Variants in SHANK2 observed in about 807,000 individuals in gnomAD.
SHANK2 encodes SH3 and multiple ankyrin repeat domains 2.
A neutral mutation model predicts 133.7 loss-of-function variants in SHANK2; 43 were observed. The ratio of observed to expected loss-of-function variants is 0.32; its 90% confidence interval spans 0.25 to 0.41. SHANK2 has a LOEUF of 0.41. Ranked by LOEUF, SHANK2 falls within the 10% of genes least tolerant of loss-of-function variation. The pLI, the probability that SHANK2 is intolerant of heterozygous loss-of-function variation, is 1.00. For missense variants in SHANK2, 1,994 were observed against 2,235.8 expected (o/e 0.89, Z 2.18); for synonymous variants, 1,017 against 952.8 (o/e 1.07, Z -1.24).
intron 15 of SHANK2, among the ~76,000 whole-genome samples, chr11:70,697,005 C>T (rs1945406906): frequency 6.6e-6 from 1 of 152,206 alleles, no homozygotes; most frequent in African/African-American, 2.4e-5. Context: ...TGAAAGAAGC[C>T]AGTCACAGAA....
At chr11:70,636,843 A>G (rs2061106938) in intron 17 of SHANK2, among the ~76,000 whole-genome samples, 7 of 151,712 alleles carry the variant, frequency 4.6e-5, no homozygotes, top group Admixed American at 4.6e-4. Context: ...TGTATTTATA[A>G]GAATGTATGT....
chr11:70,888,052 T>A (rs1949774877), intron 11 of SHANK2, among the ~76,000 whole-genome samples: 2 of 152,128 alleles, frequency 1.3e-5, no homozygotes, highest in Non-Finnish European at 2.9e-5. Flanking sequence ...ACGCCATGAT[T>A]CCTGAGGTTG....
At chr11:71,145,249 C>T (rs115364989) in intron 3 of SHANK2, among the ~76,000 whole-genome samples, 3,546 of 152,202 alleles carry the variant, frequency 0.023, 139 homozygotes, top group African/African-American at 0.082. Context: ...GAAGAAGAAC[C>T]GTCTTGCGCT....
At chr11:70,682,212 G>A (rs946328878) in intron 15 of SHANK2, among the ~76,000 whole-genome samples, 2 of 152,158 alleles carry the variant, frequency 1.3e-5, no homozygotes, top group Non-Finnish European at 2.9e-5. Flanking sequence ...GGAAATATTT[G>A]AGCCATCTCC....
At position 70,502,877 on chromosome 11, in the gene SHANK2, G is replaced by A. The variant is rs782488864; in HGVS notation, c.2116C>T (p.Arg706Trp). 3 of 1,613,820 alleles carry A rather than the reference G, an allele frequency of 1.9e-6. No homozygotes were observed. Among genetic ancestry groups the A allele is most frequent in the African/African-American group, 1.3e-5 (1 of 74,844 alleles). ...AGGACCAGGTGATTCCCTCCCTGCC[G>A]GATCATGTTCACCACCTGCCTGTGG... Reference protein sequence around the residue: ...VGHRQVVNMIRQGGNHLVLKV... With the variant: ...VGHRQVVNMIWQGGNHLVLKV... The change falls in exon 18 of 26, where the codon CGG (arginine) becomes TGG (tryptophan). Residue 706 changes from arginine to tryptophan, a missense_variant. Around this residue, in one of 5 missense-constraint regions of SHANK2, gnomAD observed 488 missense variants for 642.6 expected, o/e 0.76. Coordinates refer to ENST00000601538, the MANE Select transcript of SHANK2 (RefSeq NM_012309.5).
chr11:70,828,982 A>C (rs900166619), intron 11 of SHANK2, among the ~76,000 whole-genome samples: 8 of 152,150 alleles, frequency 5.3e-5, no homozygotes, highest in Non-Finnish European at 7.4e-5. Flanking sequence ...GTGTGGGGAG[A>C]GCCTGCACGT....
intron 17 of SHANK2, among the ~76,000 whole-genome samples, chr11:70,555,299 G>A (rs1487341490): frequency 7.9e-5 from 12 of 152,206 alleles, no homozygotes; most frequent in Admixed American, 2.0e-4. Flanking sequence ...GAAAGGAAGC[G>A]TCACACATCA....
intron 14 of SHANK2, among the ~76,000 whole-genome samples, chr11:70,729,154 A>C (rs1591792794): frequency 6.6e-6 from 1 of 151,326 alleles, no homozygotes; most frequent in Non-Finnish European, 1.5e-5. Context: ...CCGAGATCGC[A>C]CCACTGCACT....
intron 15 of SHANK2, among the ~76,000 whole-genome samples, chr11:70,680,985 T>C (rs1242985621): frequency 6.6e-6 from 1 of 152,096 alleles, no homozygotes; most frequent in Non-Finnish European, 1.5e-5. Context: ...ACCATCCCCG[T>C]CAATGCTCAG....
chr11:70,933,685 C>A (rs1239057161), intron 10 of SHANK2, among the ~76,000 whole-genome samples: 1 of 151,844 alleles, frequency 6.6e-6, no homozygotes, highest in Non-Finnish European at 1.5e-5. Flanking sequence ...TTTGGGAGGC[C>A]GAGGCGGATG....
intron 13 of SHANK2, 145 bp downstream of exon 13, chr11:70,806,852 AACGTC>A (rs1348464475): frequency 3.4e-6 from 2 of 590,078 alleles, no homozygotes; most frequent in African/African-American, 1.9e-5. Flanking sequence ...AGGGTCTGGG[AACGTC>A]ACTCTGTTCC....
intron 17 of SHANK2, among the ~76,000 whole-genome samples, chr11:70,613,702 T>C (rs2060696876): frequency 6.6e-6 from 1 of 151,188 alleles, no homozygotes; most frequent in East Asian, 1.9e-4. Flanking sequence ...TGTGAGGTCA[T>C]AGGGGAGTAG....
intron 11 of SHANK2, among the ~76,000 whole-genome samples, chr11:70,876,610 C>CAT (rs1491028807): frequency 6.6e-6 from 1 of 151,400 alleles, no homozygotes; most frequent in Non-Finnish European, 1.5e-5. Flanking sequence ...CACACACACA[C>CAT]GCACACACAC....
chr11:70,511,901 ATACACAGAGTT>A (rs2059208791), intron 17 of SHANK2, among the ~76,000 whole-genome samples: 1 of 152,254 alleles, frequency 6.6e-6, no homozygotes, highest in Non-Finnish European at 1.5e-5. Context: ...GTACATACAC[ATACACAGAGTT>A]TACAGAAACA....
At position 70,479,039 on chromosome 11, in the gene SHANK2, T is replaced by A. The variant is rs781870577; in HGVS notation, c.4980-5600A>T. Among the ~76,000 whole-genome samples, 1 of 152,110 alleles carries A rather than the reference T, an allele frequency of 6.6e-6. No homozygotes were observed. The highest frequency in any genetic ancestry group is 2.4e-5 in the African/African-American group (1 of 41,420). The stretch of plus-strand genomic sequence containing the variant: ...CAAAATGGGGAGGAAGATTCTGACT[T>A]GAGATTTGCCTGTTGATGGGCAAGG... On this transcript the variant is annotated intron_variant, in intron 25 of 25. Transcript: ENST00000601538. The surrounding 1 kb of genome is among the most constrained non-coding windows in gnomAD (Gnocchi z 4.4).
In SHANK2 at chr11:70,485,835, G is replaced by A. The variant is rs193168115; in HGVS notation, c.4458C>T (p.Val1486=). ...CCACCTCCTCGATCCCAGAGTCGGCGACGGCGTCAAAGCTTTCAGGGGGTG... is the reference window on the plus strand; with the variant it reads ...CCACCTCCTCGATCCCAGAGTCGGCAACGGCGTCAAAGCTTTCAGGGGGTG... ...FLPPPESFDA[V]ADSGIEEVDS... is the part of the protein sequence containing the mutation. The change falls in exon 25 of 26, where the codon GTC becomes GTT. Residue 1486 remains valine (V), a synonymous_variant. Coordinates refer to ENST00000601538, the MANE Select transcript of SHANK2 (RefSeq NM_012309.5). The surrounding 1 kb of genome is among the most constrained non-coding windows in gnomAD (Gnocchi z 5.8). 1.8e-5 allele frequency: 29 copies of A among 1,614,010 alleles called. No individual in the cohort carries two copies. The East Asian group carries it at 5.6e-4, about 31-fold the overall frequency.
chr11:70,758,316 G>A (rs1163838982), intron 14 of SHANK2, among the ~76,000 whole-genome samples: 3 of 152,086 alleles, frequency 2.0e-5, no homozygotes, highest in Admixed American at 1.3e-4. Flanking sequence ...TGTTTGTTAC[G>A]GCTCGAGGTG....
intron 10 of SHANK2, among the ~76,000 whole-genome samples, chr11:70,945,571 G>T (rs1321555276): frequency 4.6e-5 from 7 of 152,154 alleles, no homozygotes; most frequent in Non-Finnish European, 7.4e-5. Flanking sequence ...CGGAGCCCAG[G>T]GTTGTGTGCC....
At chr11:70,644,677 A>C (rs1830376950) in intron 17 of SHANK2, among the ~76,000 whole-genome samples, 1 of 152,228 alleles carries the variant, frequency 6.6e-6, no homozygotes, top group Non-Finnish European at 1.5e-5. Context: ...AGATCTCAGC[A>C]AAGTCAGGGG....
Sources: gnomAD v4.1 joint callset for allele counts (sites outside exome capture counted in the v4.1 genomes callset) on GRCh38, gnomAD v4.1.1 for gene constraint, gnomAD v4.1.1 regional missense constraint, Gnocchi (gnomAD v3.1) non-coding constraint, MANE v1.5 for transcripts, NCBI Gene and HGNC (gene_info 2026-07-23, HGNC 2026-07-21) for gene names.